CLEC19A: variants seen among roughly 807,000 people sequenced by gnomAD.
CLEC19A encodes C-type lectin domain family 19 member A.
In CLEC19A, 21 loss-of-function variants were observed where a neutral mutation model predicts 26.1. The ratio of observed to expected loss-of-function variants is 0.80; its 90% confidence interval spans 0.57 to 1.16. The LOEUF (loss-of-function observed/expected upper bound fraction) is 1.16. Among genes scored for constraint, CLEC19A ranks in the 50% most tolerant of loss-of-function variants. The pLI is 0.00. For missense variants in CLEC19A, 224 were observed against 227.6 expected (o/e 0.98, Z 0.10); for synonymous variants, 89 against 88.6 (o/e 1.00, Z -0.03).
chr16:19,300,383 T>C (rs1173745975), intron 2 of CLEC19A, among the ~76,000 whole-genome samples: 1 of 150,940 alleles, frequency 6.6e-6, no homozygotes, highest in Non-Finnish European at 1.5e-5. Flanking sequence ...ACCCCATTGC[T>C]ACAAAAAACA....
At chr16:19,289,947 C>A (rs1897547819) in intron 1 of CLEC19A, among the ~76,000 whole-genome samples, 1 of 152,132 alleles carries the variant, frequency 6.6e-6, no homozygotes, top group South Asian at 2.1e-4. Flanking sequence ...TGTCTGGGGC[C>A]TAGTATGGGG....
intron 2 of CLEC19A, among the ~76,000 whole-genome samples, chr16:19,301,051 G>A (rs1897808500): frequency 6.6e-6 from 1 of 152,224 alleles, no homozygotes; most frequent in Non-Finnish European, 1.5e-5. Context: ...GCACAGTACA[G>A]GATTGGCACT....
intron 2 of CLEC19A, among the ~76,000 whole-genome samples, chr16:19,303,704 T>G (rs1053162332): frequency 2.0e-5 from 3 of 152,220 alleles, no homozygotes; most frequent in Admixed American, 6.5e-5. Context: ...AAATGACTAG[T>G]GGAAATTTTC....
Position 19,298,898 on chromosome 16 carries a change from G to A in CLEC19A, c.254+60G>A, listed in dbSNP as rs1041344684. 7.6e-6 allele frequency: 11 copies of A among 1,442,706 alleles called. No homozygotes were observed. Among genetic ancestry groups the A allele is most frequent in the Non-Finnish European group, 1.0e-5 (11 of 1,077,436 alleles). The allele number at this position is 1,442,706 out of a possible 1,614,324, so 89.4% of individuals were successfully genotyped here. On this transcript the variant is annotated intron_variant, in intron 2 of 4. Coordinates refer to ENST00000636231, the MANE Select transcript of CLEC19A (RefSeq NM_001256720.2). ...AAGCACCCCCTTGGGAAATGGGGTG[G>A]AGAATGGTATTTCCAACTGGCATTT...
intron 1 of CLEC19A, among the ~76,000 whole-genome samples, chr16:19,290,565 C>A (rs767371912): frequency 1.3e-5 from 2 of 152,172 alleles, no homozygotes; most frequent in African/African-American, 2.4e-5. Flanking sequence ...CCCAGATCTC[C>A]AGGTCTGGGT....
chr16:19,294,884 T>G lies in CLEC19A; in HGVS notation c.89-3789T>G, dbSNP rs180775443. On this transcript the variant is annotated intron_variant, in intron 1 of 4. Coordinates refer to ENST00000636231, the MANE Select transcript of CLEC19A (RefSeq NM_001256720.2). ...TTGTGTTGCTGTGCTGTGGGGTTAT[T>G]TTACATTTTTGGAGTCCTGCCTTCC... is the stretch of plus-strand genomic sequence containing the variant. Among the ~76,000 whole-genome samples, 34 of 131,338 alleles carry G rather than the reference T, an allele frequency of 2.6e-4. No individual in the cohort carries two copies. The East Asian group carries it at 6.7e-3, about 26-fold the overall frequency. The allele number at this position is 131,338 out of a possible 152,430, so 86.2% of individuals were successfully genotyped here. A position where few individuals can be genotyped will look rare whatever the true frequency, so the allele number is the denominator to read the frequency against.
chr16:19,303,949 A>C, intron 2 of CLEC19A, 113 bp from the exon 3 acceptor site: 1 of 821,814 alleles, frequency 1.2e-6, no homozygotes, highest in Non-Finnish European at 1.9e-6. Context: ...ATTGGATCAT[A>C]TCCTCTATTT....
At chr16:19,296,922 G>A (rs1897716459) in intron 1 of CLEC19A, among the ~76,000 whole-genome samples, 1 of 152,126 alleles carries the variant, frequency 6.6e-6, no homozygotes, top group South Asian at 2.1e-4. Context: ...GCATCTCACG[G>A]CAGGTCAGAT....
chr16:19,308,095 T>G (rs1897994954), intron 4 of CLEC19A, among the ~76,000 whole-genome samples: 1 of 151,940 alleles, frequency 6.6e-6, no homozygotes, highest in Non-Finnish European at 1.5e-5. Flanking sequence ...GTGAGAAGAG[T>G]ATAGACTTGA....
intron 1 of CLEC19A, 90 bp downstream of exon 1, chr16:19,286,029 G>A: frequency 2.3e-6 from 3 of 1,324,894 alleles, no homozygotes; most frequent in South Asian, 1.3e-5. Flanking sequence ...GCTTCTGTTG[G>A]GGGGTTGGGG....
intron 1 of CLEC19A, among the ~76,000 whole-genome samples, chr16:19,297,315 C>A (rs2143009657): frequency 6.6e-6 from 1 of 152,224 alleles, no homozygotes; most frequent in East Asian, 1.9e-4. Flanking sequence ...CAAATTGAAA[C>A]AAGATACCCT....
At position 19,309,271 on chromosome 16, in the gene CLEC19A, A is replaced by C; in HGVS notation, c.*188A>C. ...CCAAGTGTCAGGAAAGCCAGCTCAA[A>C]TTGGCTTAATTTTTTAAAGTGTTTT... On this transcript the variant is annotated 3_prime_UTR_variant, in exon 5 of 5. Transcript: ENST00000636231. The C allele has an allele frequency of 2.0e-6, 1 of 506,990 alleles. No homozygotes were observed. The allele number at this position is 506,990 out of a possible 1,614,324, so 31.4% of individuals were successfully genotyped here. A position where few individuals can be genotyped will look rare whatever the true frequency, so the allele number is the denominator to read the frequency against.
chr16:19,289,703 A>T (rs1186953808), intron 1 of CLEC19A, among the ~76,000 whole-genome samples: 2 of 152,192 alleles, frequency 1.3e-5, no homozygotes, highest in Non-Finnish European at 2.9e-5. Flanking sequence ...GAAATTGTCT[A>T]ATGCTTTTTT....
At chr16:19,288,835 C>A (rs140331448) in intron 1 of CLEC19A, among the ~76,000 whole-genome samples, 30 of 152,244 alleles carry the variant, frequency 2.0e-4, no homozygotes, top group Non-Finnish European at 4.1e-4. Context: ...TGTTTTGAAG[C>A]TCAGGATCTG....
chr16:19,297,070 A>G (rs1184218968), intron 1 of CLEC19A, among the ~76,000 whole-genome samples: 1 of 152,206 alleles, frequency 6.6e-6, no homozygotes, highest in Non-Finnish European at 1.5e-5. Flanking sequence ...CTCGCCAGTC[A>G]TCCTGAGTCG....
chr16:19,300,207 G>A (rs949607290), intron 2 of CLEC19A, among the ~76,000 whole-genome samples: 44 of 151,820 alleles, frequency 2.9e-4, no homozygotes, highest in African/African-American at 1.0e-3. Context: ...CTGGGTGATA[G>A]AGTGAGATTC....
chr16:19,307,887 G>T (rs1174350352), intron 4 of CLEC19A, among the ~76,000 whole-genome samples: 5 of 152,188 alleles, frequency 3.3e-5, no homozygotes, highest in African/African-American at 9.7e-5. Context: ...ATTAAATGGG[G>T]TTTGGTTGAC....
chr16:19,294,910 A>G lies in CLEC19A; in HGVS notation c.89-3763A>G, dbSNP rs186489995. On this transcript the variant is annotated intron_variant, in intron 1 of 4. Coordinates refer to ENST00000636231, the MANE Select transcript of CLEC19A (RefSeq NM_001256720.2). ...TTACATTTTTGGAGTCCTGCCTTCC[A>G]TCTGGGGCAGGGTTTCTCAGTCCTG... is the stretch of plus-strand genomic sequence containing the variant. 4.1e-3 allele frequency among the ~76,000 whole-genome samples: 628 copies of G among 152,188 alleles called. 5 individuals carry two copies. Among genetic ancestry groups the G allele is most frequent in the African/African-American group, 0.014 (579 of 41,504 alleles).
chr16:19,296,528 A>G (rs1360715092), intron 1 of CLEC19A, among the ~76,000 whole-genome samples: 1 of 152,176 alleles, frequency 6.6e-6, no homozygotes, highest in Non-Finnish European at 1.5e-5. Context: ...AGCAGGTGCT[A>G]TAAAGACTGT....
Sources: gnomAD v4.1 joint callset for allele counts (sites outside exome capture counted in the v4.1 genomes callset) on GRCh38, gnomAD v4.1.1 for gene constraint, MANE v1.5 for transcripts, NCBI Gene and HGNC (gene_info 2026-07-23, HGNC 2026-07-21) for gene names.